TMED10: variants seen among roughly 807,000 people sequenced by gnomAD.
TMED10 encodes transmembrane p24 trafficking protein 10.
Under a neutral mutation model 23.1 loss-of-function variants are expected in TMED10, and 7 were observed. The ratio of observed to expected loss-of-function variants is 0.30; its 90% CI spans 0.17 to 0.57. The LOEUF is 0.57. Among genes scored for constraint, TMED10 ranks in the 20% least tolerant of loss-of-function variants. The pLI, the probability that TMED10 is intolerant of heterozygous loss-of-function variation, is 0.91. For synonymous variants in TMED10, 113 were observed against 106.9 expected (o/e 1.06, Z -0.35); for missense variants, 162 against 274.8 (o/e 0.59, Z 2.90).
chr14:75,175,379 T>G (rs1217175757), intron 1 of TMED10, among the ~76,000 whole-genome samples: 1 of 152,146 alleles, frequency 6.6e-6, no homozygotes, highest in Admixed American at 6.5e-5. Flanking sequence ...ATAATCGACT[T>G]TAATCAACTA....
chr14:75,138,401 C>G (rs1377207822), intron 3 of TMED10, among the ~76,000 whole-genome samples: 1 of 152,206 alleles, frequency 6.6e-6, no homozygotes, highest in Non-Finnish European at 1.5e-5. Context: ...AACTGCAGAA[C>G]AGCTTCTGGG....
intron 3 of TMED10, among the ~76,000 whole-genome samples, chr14:75,139,967 G>T (rs1413977539): frequency 1.3e-5 from 2 of 152,074 alleles, no homozygotes; most frequent in African/African-American, 4.8e-5. Context: ...AAAGAACAAA[G>T]ATCTTTTCAA....
intron 4 of TMED10, 69 bp downstream of exon 4, chr14:75,135,691 A>AATT: frequency 1.9e-6 from 3 of 1,582,602 alleles, no homozygotes; most frequent in Non-Finnish European, 1.7e-6. Context: ...AGGGTACACC[A>AATT]GAATTGAAAG....
intron 1 of TMED10, among the ~76,000 whole-genome samples, chr14:75,166,279 G>A (rs979431858): frequency 2.6e-5 from 4 of 152,112 alleles, no homozygotes; most frequent in Admixed American, 6.6e-5. Flanking sequence ...CCCTCAAGTC[G>A]GAGACTTGTT....
chr14:75,171,859 G>A (rs992654698), intron 1 of TMED10, among the ~76,000 whole-genome samples: 1 of 151,708 alleles, frequency 6.6e-6, no homozygotes, highest in Non-Finnish European at 1.5e-5. Flanking sequence ...GCAATAAGGG[G>A]CACAAAAAGT....
At chr14:75,138,083 TCTC>T (rs1895775524) in intron 3 of TMED10, among the ~76,000 whole-genome samples, 1 of 152,208 alleles carries the variant, frequency 6.6e-6, no homozygotes, top group African/African-American at 2.4e-5. Context: ...CTTTTTTTTC[TCTC>T]CTTTGTTCAA....
At chr14:75,158,416 C>T (rs1406328250) in intron 1 of TMED10, among the ~76,000 whole-genome samples, 1 of 152,168 alleles carries the variant, frequency 6.6e-6, no homozygotes, top group Non-Finnish European at 1.5e-5. Flanking sequence ...CAGCCTCAAC[C>T]TCGTAGGCTC....
In TMED10 at chr14:75,132,452, G is replaced by C. The variant is rs13099; in HGVS notation, c.*2433C>G. On this transcript the variant is annotated 3_prime_UTR_variant, in exon 5 of 5. Coordinates refer to ENST00000303575, the MANE Select transcript of TMED10 (RefSeq NM_006827.6). ...ACCCACATATTATTTTCTCTACTTG[G>C]ATGCATCCTCTGTAACTTAGTATAT... 1 of 147,216 alleles carries C rather than the reference G, an allele frequency of 6.8e-6. No individual in the cohort carries two copies. The highest frequency in any genetic ancestry group is 1.5e-5 in the Non-Finnish European group (1 of 67,538). The allele number at this position is 147,216 out of a possible 1,614,324, so 9.1% of individuals were successfully genotyped here. A position where few individuals can be genotyped will look rare whatever the true frequency, so the allele number is the denominator to read the frequency against.
chr14:75,150,525 A>G (rs938474826), intron 2 of TMED10, among the ~76,000 whole-genome samples: 2 of 152,236 alleles, frequency 1.3e-5, no homozygotes, highest in African/African-American at 4.8e-5. Flanking sequence ...AGGTGGTCCC[A>G]TAAGATTATT....
intron 1 of TMED10, among the ~76,000 whole-genome samples, chr14:75,163,371 G>A (rs564854237): frequency 9.2e-5 from 14 of 151,876 alleles, no homozygotes; most frequent in Admixed American, 5.9e-4. Flanking sequence ...TGCCTAACAC[G>A]GTGAAACCCT....
At chr14:75,169,830 A>C (rs1257106564) in intron 1 of TMED10, among the ~76,000 whole-genome samples, 1 of 152,176 alleles carries the variant, frequency 6.6e-6, no homozygotes, top group African/African-American at 2.4e-5. Context: ...GAGACCTAGA[A>C]TGTGGCCTAC....
At chr14:75,166,098 T>A (rs1566675657) in intron 1 of TMED10, among the ~76,000 whole-genome samples, 1 of 152,124 alleles carries the variant, frequency 6.6e-6, no homozygotes, top group Non-Finnish European at 1.5e-5. Context: ...GATCAAATGT[T>A]TTTTTTCATA....
rs1383286881 is a variant in TMED10 at position 75,132,388 on chromosome 14, C to CG, written c.*2496_*2497insC. The CG allele has an allele frequency of 8.6e-6, 1 of 116,142 alleles. No homozygotes were observed. The highest frequency in any genetic ancestry group is 1.9e-5 in the Non-Finnish European group (1 of 52,308). 7.2% of individuals were successfully genotyped at this position (116,142 alleles called of 1,614,324 possible). ...GGGCGTTGCAGCAAGACTCCGTCCC[C>CG]CCCCCCCCAAAAAAAAAAAAGTTTA... On this transcript the variant is annotated 3_prime_UTR_variant, in exon 5 of 5. Coordinates refer to ENST00000303575, the MANE Select transcript of TMED10 (RefSeq NM_006827.6).
rs372679960 is a variant in TMED10 at position 75,169,945 on chromosome 14, C to T, written c.225+6410G>A. ...CGTCAAAATATAAGAAAAAGTGGAA[C>T]GGCCGGGCGTGGTGGCTCATGCCTG... On this transcript the variant is annotated intron_variant, in intron 1 of 4. Coordinates refer to ENST00000303575, the MANE Select transcript of TMED10 (RefSeq NM_006827.6). Among the ~76,000 whole-genome samples the T allele has an allele frequency of 8.6e-5, 13 of 151,858 alleles. 1 individual carries two copies. Among genetic ancestry groups the T allele is most frequent in the Admixed American group, 3.9e-4 (6 of 15,252 alleles).
chr14:75,173,226 C>T (rs1896257125), intron 1 of TMED10, among the ~76,000 whole-genome samples: 1 of 152,068 alleles, frequency 6.6e-6, no homozygotes, highest in Non-Finnish European at 1.5e-5. Context: ...TTTCTACAAA[C>T]AAATATGAAA....
intron 3 of TMED10, among the ~76,000 whole-genome samples, chr14:75,146,918 G>GATAT (rs1895889895): frequency 6.6e-6 from 1 of 151,932 alleles, no homozygotes; most frequent in African/African-American, 2.4e-5. Flanking sequence ...CAGATAGATA[G>GATAT]ATAGATAGAT....
At chr14:75,136,602 A>AC (rs1251327562) in intron 3 of TMED10, among the ~76,000 whole-genome samples, 1 of 152,222 alleles carries the variant, frequency 6.6e-6, no homozygotes. Context: ...TAAACCTTTG[A>AC]CAGTACATAG....
At chr14:75,169,818 C>A (rs1236000615) in intron 1 of TMED10, among the ~76,000 whole-genome samples, 1 of 152,192 alleles carries the variant, frequency 6.6e-6, no homozygotes, top group Non-Finnish European at 1.5e-5. Flanking sequence ...ATTGGCTGAA[C>A]TGAGACCTAG....
chr14:75,135,567 C>T (rs1203811657), intron 4 of TMED10, 193 bp downstream of exon 4: 1 of 657,714 alleles, frequency 1.5e-6, no homozygotes, highest in Non-Finnish European at 2.5e-6. Context: ...CTGCCTATCA[C>T]AGTAGGAGTT....
Sources: gnomAD v4.1 joint callset for allele counts (sites outside exome capture counted in the v4.1 genomes callset) on GRCh38, gnomAD v4.1.1 for gene constraint, MANE v1.5 for transcripts, NCBI Gene and HGNC (gene_info 2026-07-23, HGNC 2026-07-21) for gene names.